The following WEE2 variants were observed in gnomAD, a reference collection of about 807,000 sequenced individuals.
The protein encoded by WEE2 is wee1-like protein kinase 2.
In WEE2, 50 loss-of-function variants were observed where a neutral mutation model predicts 60.1. The ratio of observed to expected loss-of-function variants is 0.83; its 90% CI spans 0.66 to 1.05. The LOEUF (loss-of-function observed/expected upper bound fraction) is 1.05. WEE2 is among the 50% of genes least tolerant of loss of function. The pLI, the probability that WEE2 is intolerant of heterozygous loss-of-function variation, is 0.00. For synonymous variants in WEE2, 240 were observed against 241.0 expected (o/e 1.00, Z 0.04); for missense variants, 631 against 684.3 (o/e 0.92, Z 0.87).
intron 1 of WEE2, among the ~76,000 whole-genome samples, chr7:141,712,610 A>T (rs1482993593): frequency 6.6e-6 from 1 of 152,180 alleles, no homozygotes; most frequent in Non-Finnish European, 1.5e-5. Context: ...TCTTCCCTAC[A>T]TCATAAGTGG....
Position 141,727,326 on chromosome 7 carries a change from A to C in WEE2, c.1415A>C (p.Glu472Ala), listed in dbSNP as rs1439439664. The change falls in exon 10 of 12, where the codon GAA (glutamate) becomes GCA (alanine). Residue 472 changes from glutamate (E) to alanine (A), a missense_variant. Transcript: ENST00000397541. The part of the protein sequence containing the change: ...LLKNMIQPDA[E>A]QRPSAAALAR... ...CAGAACATGATCCAACCTGATGCCGAACAGAGACCTTCTGCAGCAGCTCTG... is the reference window on the plus strand; with the variant it reads ...CAGAACATGATCCAACCTGATGCCGCACAGAGACCTTCTGCAGCAGCTCTG... 1 of 1,613,994 alleles carries C rather than the reference A, an allele frequency of 6.2e-7. No homozygotes were observed. Among genetic ancestry groups the C allele is most frequent in the Non-Finnish European group, 8.5e-7 (1 of 1,180,000 alleles).
chr7:141,709,344 A>G (rs1421119528), intron 1 of WEE2, among the ~76,000 whole-genome samples: 6 of 152,248 alleles, frequency 3.9e-5, no homozygotes, highest in African/African-American at 1.4e-4. Flanking sequence ...GGCCACAAAC[A>G]AATCTTGGGT....
chr7:141,715,058 C>T (rs73518101), intron 2 of WEE2, among the ~76,000 whole-genome samples: 1,937 of 152,220 alleles, frequency 0.013, 39 homozygotes, highest in African/African-American at 0.045. Flanking sequence ...ATGTACTCAG[C>T]GAAATAAATG....
intron 3 of WEE2, among the ~76,000 whole-genome samples, chr7:141,718,209 G>A (rs1798842578): frequency 6.6e-6 from 1 of 152,046 alleles, no homozygotes. Flanking sequence ...AATTCTTCAG[G>A]ATTGGGACAC....
At chr7:141,727,621 G>C in intron 10 of WEE2, 175 bp downstream of exon 10, 1 of 730,982 alleles carries the variant, frequency 1.4e-6, no homozygotes. Context: ...GCATCGGGCT[G>C]GGAGGCTCTG....
At chr7:141,720,857 C>G in intron 4 of WEE2, 78 bp from the exon 5 acceptor site, 8 of 1,523,676 alleles carry the variant, frequency 5.3e-6, no homozygotes, top group Non-Finnish European at 7.2e-6. Flanking sequence ...CTAGTAAAGC[C>G]TCATATTTTT....
At position 141,722,284 on chromosome 7, in the gene WEE2, A is replaced by G. The variant is rs550898049; in HGVS notation, c.881-850A>G. Among the ~76,000 whole-genome samples, 60 of 152,284 alleles carry G rather than the reference A, an allele frequency of 3.9e-4. 1 individual carries two copies. The highest frequency in any genetic ancestry group is 1.4e-3 in the African/African-American group (60 of 41,558). ...GCCAGGTGTGGTGGCATGCACCTTT[A>G]GTCCCAGCTACTGGGGATGCTGAGG... On this transcript the variant is annotated intron_variant, in intron 5 of 11. Coordinates refer to ENST00000397541, the MANE Select transcript of WEE2 (RefSeq NM_001105558.1).
Position 141,723,126 on chromosome 7 carries a change from T to C in WEE2, c.881-8T>C, listed in dbSNP as rs147083641. On this transcript the variant is annotated splice_polypyrimidine_tract_variant and splice_region_variant and intron_variant, in intron 5 of 11. Coordinates refer to ENST00000397541, the MANE Select transcript of WEE2 (RefSeq NM_001105558.1). ...ACTGTGGGGCTGTTCTCTGTTGTTC[T>C]TTCCCAGGTGGGAGTTTGCAAGCTG... 3,960 of 1,614,026 alleles carry C rather than the reference T, an allele frequency of 2.5e-3. 82 individuals are homozygous for C. In the East Asian group the frequency reaches 0.034, roughly 14 times the overall value.
chr7:141,722,558 G>A (rs999120275), intron 5 of WEE2, among the ~76,000 whole-genome samples: 4 of 152,124 alleles, frequency 2.6e-5, no homozygotes, highest in Non-Finnish European at 4.4e-5. Context: ...AGGTGTATGT[G>A]CAGCTTCTAT....
chr7:141,720,652 A>T (rs1157855703), intron 4 of WEE2: 2 of 325,322 alleles, frequency 6.1e-6, no homozygotes, highest in East Asian at 5.3e-5. Context: ...ATGTTAAAAT[A>T]AAAAAAAAAC....
chr7:141,720,523 G>A (rs1230724733), intron 4 of WEE2, among the ~76,000 whole-genome samples: 4 of 152,100 alleles, frequency 2.6e-5, no homozygotes, highest in Non-Finnish European at 2.9e-5. Flanking sequence ...ACAATCTGGT[G>A]TACAGTGGCC....
intron 3 of WEE2, 125 bp downstream of exon 3, chr7:141,716,392 C>G: frequency 1.2e-6 from 1 of 862,256 alleles, no homozygotes; most frequent in Admixed American, 2.2e-5. Context: ...CCCTTTTCTC[C>G]TTCCTCACCC....
intron 9 of WEE2, 142 bp downstream of exon 9, chr7:141,725,338 G>A (rs1486197170): frequency 2.5e-5 from 25 of 1,007,990 alleles, no homozygotes; most frequent in Non-Finnish European, 3.5e-5. Flanking sequence ...GAAAAAATAA[G>A]GGGCGGGTCC....
At chr7:141,713,329 T>C (rs1270654486) in intron 1 of WEE2, among the ~76,000 whole-genome samples, 1 of 152,184 alleles carries the variant, frequency 6.6e-6, no homozygotes, top group South Asian at 2.1e-4. Context: ...CTGTGTGTGC[T>C]GCCATACTCC....
chr7:141,710,031 T>C (rs1217178936), intron 1 of WEE2, among the ~76,000 whole-genome samples: 4 of 152,164 alleles, frequency 2.6e-5, no homozygotes, highest in Non-Finnish European at 5.9e-5. Flanking sequence ...GTGGGTACCA[T>C]GTATACCAGG....
chr7:141,717,878 G>C (rs1346055914), intron 3 of WEE2, among the ~76,000 whole-genome samples: 1 of 152,118 alleles, frequency 6.6e-6, no homozygotes, highest in Non-Finnish European at 1.5e-5. Context: ...TTGGTATCTA[G>C]GGGGAGGGTA....
intron 2 of WEE2, among the ~76,000 whole-genome samples, chr7:141,715,351 C>T (rs966331564): frequency 1.3e-5 from 2 of 152,122 alleles, no homozygotes; most frequent in South Asian, 2.1e-4. Flanking sequence ...ACTTTTGTAG[C>T]GTCATTTGGT....
chr7:141,721,273 A>C (rs1563015291), intron 5 of WEE2, among the ~76,000 whole-genome samples: 1 of 152,156 alleles, frequency 6.6e-6, no homozygotes, highest in Non-Finnish European at 1.5e-5. Flanking sequence ...TTGTCAGGAT[A>C]ATCATTCAGT....
chr7:141,720,918 G>A lies in WEE2; in HGVS notation c.759-17G>A. On this transcript the variant is annotated splice_polypyrimidine_tract_variant and intron_variant, in intron 4 of 11. Transcript: ENST00000397541. ...TTGATTGATGTTTTTATTCCTCAAT[G>A]CTTTTCTGTCTCATAGGAATTCGGC... 1 of 1,607,084 alleles carries A rather than the reference G, an allele frequency of 6.2e-7. No homozygotes were observed.
Sources: gnomAD v4.1 joint callset for allele counts (sites outside exome capture counted in the v4.1 genomes callset) on GRCh38, gnomAD v4.1.1 for gene constraint, MANE v1.5 for transcripts, NCBI Gene and HGNC (gene_info 2026-07-23, HGNC 2026-07-21) for gene names.